SATB2: variants seen among roughly 807,000 people sequenced by gnomAD.
SATB2 encodes the protein SATB homeobox 2.
SATB2 carries 1 observed loss-of-function variant against 73.4 expected under a neutral mutation model. The ratio of observed to expected loss-of-function variants is 0.01; its 90% CI spans 0.00 to 0.06. The LOEUF (loss-of-function observed/expected upper bound fraction) is 0.06. Among genes scored for constraint, SATB2 ranks in the 10% least tolerant of loss-of-function variants. The pLI is 1.00. For synonymous variants in SATB2, 397 were observed against 367.0 expected (o/e 1.08, Z -0.93); for missense variants, 459 against 945.8 (o/e 0.49, Z 6.75).
At chr2:199,317,535 T>C (rs906497512) in intron 9 of SATB2, among the ~76,000 whole-genome samples, 1 of 152,052 alleles carries the variant, frequency 6.6e-6, no homozygotes, top group East Asian at 1.9e-4. Context: ...TTAAAACTAG[T>C]GATAAGTTAA....
At chr2:199,454,077 T>C (rs1460902074) in intron 2 of SATB2, among the ~76,000 whole-genome samples, 1 of 152,046 alleles carries the variant, frequency 6.6e-6, no homozygotes, top group Admixed American at 6.6e-5. Flanking sequence ...TGAACTATAG[T>C]CTCAGAAAAT....
intron 3 of SATB2, among the ~76,000 whole-genome samples, chr2:199,384,759 T>G (rs1320661955): frequency 2.0e-5 from 3 of 152,298 alleles, no homozygotes; most frequent in Admixed American, 6.5e-5. Flanking sequence ...TCCTCTCATC[T>G]GTAAACTGGA....
chr2:199,416,561 A>C (rs1026765664), intron 3 of SATB2, among the ~76,000 whole-genome samples: 18 of 152,166 alleles, frequency 1.2e-4, no homozygotes, highest in African/African-American at 4.1e-4. Flanking sequence ...AAAAATCAGG[A>C]AGACAGGAGG....
intron 10 of SATB2, among the ~76,000 whole-genome samples, chr2:199,274,720 A>G (rs1300695590): frequency 6.6e-6 from 1 of 152,104 alleles, no homozygotes; most frequent in Non-Finnish European, 1.5e-5. Flanking sequence ...ACCACTTTCA[A>G]CTAAGAGTAA....
chr2:199,350,720 C>T (rs1688790294), intron 6 of SATB2, among the ~76,000 whole-genome samples: 1 of 152,026 alleles, frequency 6.6e-6, no homozygotes, highest in Non-Finnish European at 1.5e-5. Context: ...CTTTTTCCTG[C>T]TTTTTAAAGA....
chr2:199,282,940 C>T (rs1692570473), intron 10 of SATB2, among the ~76,000 whole-genome samples: 1 of 152,194 alleles, frequency 6.6e-6, no homozygotes, highest in Non-Finnish European at 1.5e-5. Context: ...TTTAAGGTGA[C>T]ACCTTCTATA....
intron 2 of SATB2, among the ~76,000 whole-genome samples, chr2:199,444,169 T>C (rs1691899649): frequency 6.6e-6 from 1 of 151,972 alleles, no homozygotes; most frequent in African/African-American, 2.4e-5. Flanking sequence ...AAATAAATAT[T>C]TTAAAAATGA....
At chr2:199,431,921 G>C (rs1294424410) in intron 3 of SATB2, among the ~76,000 whole-genome samples, 1 of 152,126 alleles carries the variant, frequency 6.6e-6, no homozygotes, top group Non-Finnish European at 1.5e-5. Flanking sequence ...AAAAGTTTGT[G>C]GGGGGAAGGG....
At chr2:199,368,829 C>T in intron 5 of SATB2, 122 bp from the exon 6 acceptor site, 1 of 630,566 alleles carries the variant, frequency 1.6e-6, no homozygotes. Flanking sequence ...AGTCACTCTC[C>T]TGTAAACTGA....
At chr2:199,327,826 T>A (rs1364841899) in intron 8 of SATB2, among the ~76,000 whole-genome samples, 1 of 152,198 alleles carries the variant, frequency 6.6e-6, no homozygotes. Context: ...ACCATCATTT[T>A]CTAAAGGATC....
intron 10 of SATB2, among the ~76,000 whole-genome samples, chr2:199,302,721 A>G (rs1169817404): frequency 6.6e-6 from 1 of 152,212 alleles, no homozygotes; most frequent in African/African-American, 2.4e-5. Flanking sequence ...TAATGGATTA[A>G]TTAGTTTATT....
chr2:199,426,717 GAAAAGA>G (rs1691344734), intron 3 of SATB2, among the ~76,000 whole-genome samples: 3 of 139,286 alleles, frequency 2.2e-5, no homozygotes, highest in African/African-American at 5.4e-5. Flanking sequence ...AAAAAGAAAA[GAAAAGA>G]AAAAGAAAGA....
In SATB2 at chr2:199,295,616, C is replaced by T. The variant is rs138704235; in HGVS notation, c.1740+13144G>A. On this transcript the variant is annotated intron_variant, in intron 10 of 10. Coordinates refer to ENST00000417098, the MANE Select transcript of SATB2 (RefSeq NM_001172509.2). The stretch of plus-strand genomic sequence containing the variant: ...ACTATAGAGAAGCAAGACCATGTTC[C>T]TCCTCTGACAAGCCACATACTGCTT... 7.7e-4 allele frequency among the ~76,000 whole-genome samples: 117 copies of T among 152,300 alleles called. 1 individual carries two copies. The East Asian group carries it at 0.02, about 27-fold the overall frequency.
chr2:199,407,699 G>C (rs1179160320), intron 3 of SATB2, among the ~76,000 whole-genome samples: 1 of 152,076 alleles, frequency 6.6e-6, no homozygotes, highest in Non-Finnish European at 1.5e-5. Flanking sequence ...TTTCAAACTG[G>C]AAATGCTAGA....
chr2:199,442,176 T>C (rs1691834738), intron 2 of SATB2, among the ~76,000 whole-genome samples: 1 of 152,226 alleles, frequency 6.6e-6, no homozygotes. Context: ...TCACCACCAT[T>C]AATAGGCAGT....
intron 7 of SATB2, chr2:199,329,399 C>T (rs1574511527): frequency 6.4e-6 from 1 of 155,686 alleles, no homozygotes; most frequent in East Asian, 1.8e-4. Flanking sequence ...TATGACCGGC[C>T]ACTGTTTTCA....
Position 199,463,928 on chromosome 2 carries a change from T to G in SATB2, c.-141+908A>C, listed in dbSNP as rs866769631. On this transcript the variant is annotated intron_variant, in intron 1 of 11. Coordinates refer to the SATB2 transcript ENST00000260926. This position sits in a 1 kb window ranked among gnomAD's most constrained non-coding sequence, Gnocchi z 6.4. ...GGTGCAAGGGGGCCCAAACCGCAGT[T>G]GCCTCCCGAACGCTTTGAGGCTATG... Among the ~76,000 whole-genome samples, 1 of 152,128 alleles carries G rather than the reference T, an allele frequency of 6.6e-6. No individual in the cohort carries two copies. The highest frequency in any genetic ancestry group is 2.4e-5 in the African/African-American group (1 of 41,440).
chr2:199,449,982 C>T (rs1376704898), intron 2 of SATB2, among the ~76,000 whole-genome samples: 1 of 152,108 alleles, frequency 6.6e-6, no homozygotes, highest in Non-Finnish European at 1.5e-5. Context: ...AGGTCTCCTA[C>T]TCGAAACCAT....
chr2:199,421,057 C>A (rs1244935440), intron 3 of SATB2, among the ~76,000 whole-genome samples: 1 of 151,956 alleles, frequency 6.6e-6, no homozygotes, highest in East Asian at 1.9e-4. Flanking sequence ...GAGAACGATC[C>A]CAGTATCTGA....
Sources: gnomAD v4.1 joint callset for allele counts (sites outside exome capture counted in the v4.1 genomes callset) on GRCh38, gnomAD v4.1.1 for gene constraint, Gnocchi (gnomAD v3.1) non-coding constraint, MANE v1.5 for transcripts, NCBI Gene and HGNC (gene_info 2026-07-23, HGNC 2026-07-21) for gene names.